CPNE4: variants seen among roughly 807,000 people sequenced by gnomAD.
The protein encoded by CPNE4 is copine-4.
CPNE4 carries 25 observed loss-of-function variants against 67.9 expected under a neutral mutation model. That is an observed-to-expected ratio of 0.37 (90% CI 0.27 to 0.51). CPNE4 has a LOEUF of 0.51. Ranked by LOEUF, CPNE4 falls within the 20% of genes least tolerant of loss-of-function variation. CPNE4 has a pLI of 0.93. For missense variants in CPNE4, 464 were observed against 690.8 expected, an observed-to-expected ratio of 0.67 and a Z score of 3.68; for synonymous variants, 242 against 244.9, an observed-to-expected ratio of 0.99 and a Z score of 0.11.
intron 7 of CPNE4, among the ~76,000 whole-genome samples, chr3:131,618,330 T>A (rs1418584967): frequency 1.3e-5 from 2 of 152,208 alleles, no homozygotes; most frequent in East Asian, 3.8e-4. Flanking sequence ...TATGTATACA[T>A]TGTAGAAAGA....
chr3:131,976,832 C>G (rs1195057903), intron 1 of CPNE4, among the ~76,000 whole-genome samples: 1 of 151,116 alleles, frequency 6.6e-6, no homozygotes, highest in Non-Finnish European at 1.5e-5. Flanking sequence ...GACAGAGTCT[C>G]ACCGTGTCAC....
intron 6 of CPNE4, among the ~76,000 whole-genome samples, chr3:131,675,976 T>C (rs2080550660): frequency 6.7e-6 from 1 of 150,308 alleles, no homozygotes; most frequent in South Asian, 2.1e-4. Flanking sequence ...TTGGTGTATC[T>C]GTTGTTTTTC....
intron 1 of CPNE4, among the ~76,000 whole-genome samples, chr3:131,927,150 A>G (rs1008208602): frequency 4.6e-5 from 7 of 152,092 alleles, no homozygotes; most frequent in African/African-American, 1.7e-4. Flanking sequence ...CATCATTCCT[A>G]TTTTACGGAT....
chr3:131,671,971 C>T (rs1016969704), intron 6 of CPNE4, among the ~76,000 whole-genome samples: 2 of 152,070 alleles, frequency 1.3e-5, no homozygotes, highest in African/African-American at 4.8e-5. Context: ...TCCCCTACTA[C>T]CCTTCGCAGC....
chr3:131,785,673 C>T (rs906446872), intron 2 of CPNE4, among the ~76,000 whole-genome samples: 7 of 23,362 alleles, frequency 3.0e-4, no homozygotes, highest in Non-Finnish European at 5.3e-4. Context: ...TTCTCTCTTT[C>T]TCTCTCTCTC....
intron 2 of CPNE4, among the ~76,000 whole-genome samples, chr3:131,846,697 G>A (rs552639870): frequency 6.6e-6 from 1 of 152,288 alleles, no homozygotes; most frequent in South Asian, 2.1e-4. Flanking sequence ...ACACAGTAAG[G>A]AGATGACTGT....
At chr3:131,745,205 T>C (rs6801905) in intron 2 of CPNE4, among the ~76,000 whole-genome samples, 47,663 of 152,008 alleles carry the variant, frequency 0.31, 7,649 homozygotes, top group South Asian at 0.42. Flanking sequence ...CACCTTTTCA[T>C]GTACTTACTT....
At chr3:131,868,792 G>A (rs1268567457) in intron 2 of CPNE4, among the ~76,000 whole-genome samples, 3 of 152,226 alleles carry the variant, frequency 2.0e-5, no homozygotes, top group South Asian at 4.1e-4. Context: ...ACATCCATCA[G>A]TGATTAGAAC....
At chr3:131,756,358 G>C (rs1242167502) in intron 2 of CPNE4, among the ~76,000 whole-genome samples, 1 of 152,134 alleles carries the variant, frequency 6.6e-6, no homozygotes, top group Non-Finnish European at 1.5e-5. Flanking sequence ...TAAAGTTTCA[G>C]GGTCTACTAT....
intron 6 of CPNE4, among the ~76,000 whole-genome samples, chr3:131,677,121 C>G (rs981302162): frequency 6.6e-6 from 1 of 151,728 alleles, no homozygotes; most frequent in Non-Finnish European, 1.5e-5. Context: ...TTGCATTTCT[C>G]TAATGATCAA....
chr3:131,953,251 A>AAAAAAAT (rs1560669266), intron 1 of CPNE4, among the ~76,000 whole-genome samples: 5 of 140,776 alleles, frequency 3.6e-5, no homozygotes, highest in South Asian at 2.2e-4. Context: ...AAAAAAAAAA[A>AAAAAAAT]AAAAAAAAAA....
At chr3:131,949,300 A>C (rs1204647773) in intron 1 of CPNE4, among the ~76,000 whole-genome samples, 1 of 152,226 alleles carries the variant, frequency 6.6e-6, no homozygotes, top group African/African-American at 2.4e-5. Context: ...CATTAGCTGA[A>C]TTTTTAAAAC....
chr3:131,769,746 T>C (rs1005768342), intron 2 of CPNE4, among the ~76,000 whole-genome samples: 8 of 152,208 alleles, frequency 5.3e-5, no homozygotes, highest in African/African-American at 1.2e-4. Flanking sequence ...CAACTGTTAG[T>C]GGAAGGAAAG....
intron 2 of CPNE4, among the ~76,000 whole-genome samples, chr3:131,859,072 T>C (rs1046086899): frequency 6.6e-6 from 1 of 152,180 alleles, no homozygotes; most frequent in Non-Finnish European, 1.5e-5. Flanking sequence ...ACATTTATTA[T>C]ATTTTTCTTA....
intron 6 of CPNE4, among the ~76,000 whole-genome samples, chr3:131,676,796 G>T (rs2080583784): frequency 1.3e-5 from 2 of 152,052 alleles, no homozygotes; most frequent in African/African-American, 4.8e-5. Context: ...TGGGCATTTG[G>T]GTTGATTCCA....
At chr3:131,707,625 T>A (rs959459050) in intron 3 of CPNE4, among the ~76,000 whole-genome samples, 1 of 152,108 alleles carries the variant, frequency 6.6e-6, no homozygotes, top group Non-Finnish European at 1.5e-5. Context: ...AGTTCCAGAG[T>A]TCATTCCCTT....
chr3:131,700,789 G>A (rs1210297705), intron 3 of CPNE4, among the ~76,000 whole-genome samples: 4 of 152,170 alleles, frequency 2.6e-5, no homozygotes, highest in African/African-American at 9.6e-5. Flanking sequence ...AAAGACACAT[G>A]CACATGTATG....
At chr3:131,743,431 A>G (rs1488084554) in intron 2 of CPNE4, among the ~76,000 whole-genome samples, 1 of 152,234 alleles carries the variant, frequency 6.6e-6, no homozygotes, top group Non-Finnish European at 1.5e-5. Flanking sequence ...TGGTACAAGC[A>G]TAAATTTAAT....
At chr3:131,764,594 G>A (rs541505340) in intron 2 of CPNE4, among the ~76,000 whole-genome samples, 64 of 152,120 alleles carry the variant, frequency 4.2e-4, no homozygotes, top group Middle Eastern at 3.4e-3. Flanking sequence ...AGTATACATT[G>A]TTACACTCCT....
Sources: allele counts gnomAD v4.1 joint callset (sites outside exome capture counted in the v4.1 genomes callset), GRCh38; gene constraint gnomAD v4.1.1; transcripts MANE v1.5; gene names NCBI Gene and HGNC (gene_info 2026-07-23, HGNC 2026-07-21).